The following KHDRBS2 variants were observed in gnomAD, a reference collection of about 807,000 sequenced individuals.
KHDRBS2 encodes KH domain-containing, RNA-binding, signal transduction-associated protein 2.
In KHDRBS2, 26 loss-of-function variants were observed where a neutral mutation model predicts 44.3. The ratio of observed to expected loss-of-function variants is 0.59; its 90% CI spans 0.43 to 0.81. The LOEUF (loss-of-function observed/expected upper bound fraction) is 0.81. Ranked by LOEUF, KHDRBS2 falls within the 40% of genes least tolerant of loss-of-function variation. The probability of loss-of-function intolerance (pLI) is 0.00; values close to 1 mark genes in which losing one functional copy is unlikely to be tolerated. For missense variants in KHDRBS2, 476 were observed against 433.1 expected, an observed-to-expected ratio of 1.10 and a Z score of -0.88; for synonymous variants, 194 against 151.1, an observed-to-expected ratio of 1.28 and a Z score of -2.08.
intron 3 of KHDRBS2, among the ~76,000 whole-genome samples, chr6:62,035,978 C>T (rs1189832673): frequency 6.6e-6 from 1 of 151,946 alleles, no homozygotes; most frequent in African/African-American, 2.4e-5. Context: ...TTCTAACCTA[C>T]AAAACTATAC....
chr6:62,232,800 A>G (rs1010578188), intron 1 of KHDRBS2, among the ~76,000 whole-genome samples: 1 of 152,160 alleles, frequency 6.6e-6, no homozygotes, highest in Non-Finnish European at 1.5e-5. Context: ...ATACACACTC[A>G]AAATGGCTTC....
At chr6:61,869,847 G>A (rs528379869) in intron 6 of KHDRBS2, among the ~76,000 whole-genome samples, 5 of 152,064 alleles carry the variant, frequency 3.3e-5, no homozygotes, top group African/African-American at 4.8e-5. Context: ...CTTTTCCCAC[G>A]GTCTTCACAA....
At chr6:61,757,530 A>G (rs1289592527) in intron 6 of KHDRBS2, among the ~76,000 whole-genome samples, 1 of 152,118 alleles carries the variant, frequency 6.6e-6, no homozygotes, top group African/African-American at 2.4e-5. Flanking sequence ...ATTCAAAGTG[A>G]CAATCTATGG....
the KHDRBS2 span, among the ~76,000 whole-genome samples, chr6:61,654,059 A>C: frequency 1.3e-5 from 2 of 151,994 alleles, no homozygotes; most frequent in African/African-American, 4.8e-5. Context: ...AAAAAAAAGC[A>C]TAAGGAATAG....
At chr6:61,568,968 T>C in the KHDRBS2 span, among the ~76,000 whole-genome samples, 1 of 152,144 alleles carries the variant, frequency 6.6e-6, no homozygotes, top group African/African-American at 2.4e-5. Context: ...TAGGAGTTGC[T>C]GCTGACAGAG....
intron 6 of KHDRBS2, among the ~76,000 whole-genome samples, chr6:61,781,452 A>G (rs1295153899): frequency 6.6e-6 from 1 of 152,208 alleles, no homozygotes; most frequent in Non-Finnish European, 1.5e-5. Context: ...ACTCCATGCC[A>G]TAAATAAGAT....
chr6:61,727,857 C>A (rs144989711), intron 7 of KHDRBS2, among the ~76,000 whole-genome samples: 63 of 152,222 alleles, frequency 4.1e-4, no homozygotes, highest in Middle Eastern at 3.4e-3. Context: ...TTGTGGAAGA[C>A]AGTGGATTGA....
chr6:61,792,563 C>T (rs1582868413), intron 6 of KHDRBS2, among the ~76,000 whole-genome samples: 5 of 151,474 alleles, frequency 3.3e-5, no homozygotes, highest in Admixed American at 2.6e-4. Flanking sequence ...TAGAGTATAT[C>T]GTTGTAGAGT....
intron 3 of KHDRBS2, among the ~76,000 whole-genome samples, chr6:61,989,967 C>T (rs867165809): frequency 1.3e-5 from 2 of 152,116 alleles, no homozygotes; most frequent in Non-Finnish European, 2.9e-5. Context: ...TTGTTCAACC[C>T]TTGCATGGGC....
intron 4 of KHDRBS2, among the ~76,000 whole-genome samples, chr6:61,905,415 G>A (rs566531884): frequency 6.6e-6 from 1 of 151,508 alleles, no homozygotes; most frequent in African/African-American, 2.4e-5. Flanking sequence ...ATAGCTAGAC[G>A]TATAATGACT....
intron 2 of KHDRBS2, among the ~76,000 whole-genome samples, chr6:62,057,889 A>G (rs1790658194): frequency 6.6e-6 from 1 of 151,974 alleles, no homozygotes; most frequent in Admixed American, 6.6e-5. Flanking sequence ...ACAAAACATA[A>G]TTGGTGGCAA....
chr6:62,006,316 T>C (rs75097243), intron 3 of KHDRBS2, among the ~76,000 whole-genome samples: 2 of 152,112 alleles, frequency 1.3e-5, no homozygotes, highest in East Asian at 3.9e-4. Flanking sequence ...CAATCTAAAG[T>C]TATATATGCA....
chr6:62,284,225 A>G (rs1271394614), intron 1 of KHDRBS2, among the ~76,000 whole-genome samples: 1 of 152,140 alleles, frequency 6.6e-6, no homozygotes, highest in Non-Finnish European at 1.5e-5. Flanking sequence ...AATAACTCAT[A>G]TTAATGACTG....
intron 4 of KHDRBS2, among the ~76,000 whole-genome samples, chr6:61,903,750 T>C (rs1268769484): frequency 1.3e-5 from 2 of 152,162 alleles, no homozygotes; most frequent in African/African-American, 2.4e-5. Context: ...GAGCTCTCCT[T>C]TTCTTCTTAC....
intron 1 of KHDRBS2, among the ~76,000 whole-genome samples, chr6:62,259,788 C>A (rs184228604): frequency 9.9e-5 from 15 of 151,972 alleles, no homozygotes; most frequent in Non-Finnish European, 1.8e-4. Context: ...TGCCACTTAG[C>A]CCTAAAAATA....
chr6:61,840,315 T>C (rs1296766037), intron 6 of KHDRBS2, among the ~76,000 whole-genome samples: 1 of 152,100 alleles, frequency 6.6e-6, no homozygotes, highest in African/African-American at 2.4e-5. Flanking sequence ...ATGACTGTGG[T>C]TGCTTGCAAC....
At chr6:61,590,345 C>G in the KHDRBS2 span, among the ~76,000 whole-genome samples, 23 of 152,174 alleles carry the variant, frequency 1.5e-4, no homozygotes, top group African/African-American at 5.5e-4. Flanking sequence ...GGTATTGTCT[C>G]TTGCATACAT....
At chr6:62,018,336 TG>T (rs1781620653) in intron 3 of KHDRBS2, among the ~76,000 whole-genome samples, 1 of 143,256 alleles carries the variant, frequency 7.0e-6, no homozygotes, top group African/African-American at 2.6e-5. Context: ...TGTGTGTGTG[TG>T]TGTCCTTATT....
At chr6:61,841,447 A>C (rs1258603382) in intron 6 of KHDRBS2, among the ~76,000 whole-genome samples, 1 of 152,204 alleles carries the variant, frequency 6.6e-6, no homozygotes, top group Non-Finnish European at 1.5e-5. Context: ...TAAAGTGATG[A>C]AGTAGAAATA....
Sources: allele counts gnomAD v4.1 joint callset (sites outside exome capture counted in the v4.1 genomes callset), GRCh38; gene constraint gnomAD v4.1.1; transcripts MANE v1.5; gene names NCBI Gene and HGNC (gene_info 2026-07-23, HGNC 2026-07-21).